Variants in CEP128 observed in about 807,000 individuals in gnomAD.
CEP128 encodes centrosomal protein 128kDa.
Under a neutral mutation model 156.7 loss-of-function variants are expected in CEP128, and 132 were observed. The observed-to-expected ratio is 0.84, with a 90% CI of 0.73 to 0.97. CEP128 has a LOEUF of 0.97. CEP128 is among the 50% of genes least tolerant of loss of function. CEP128 has a pLI of 0.00. For missense variants in CEP128, 1,252 were observed against 1,281.9 expected, an observed-to-expected ratio of 0.98 and a Z score of 0.36; for synonymous variants, 469 against 448.9, an observed-to-expected ratio of 1.04 and a Z score of -0.57.
chr14:80,540,197 A>ACCCCC (rs35857257), intron 21 of CEP128, among the ~76,000 whole-genome samples: 3 of 124,268 alleles, frequency 2.4e-5, no homozygotes, highest in East Asian at 2.6e-4. Flanking sequence ...CTGTTCTTAC[A>ACCCCC]CCCCCCCCCC....
chr14:80,729,352 T>C (rs1305507938), intron 19 of CEP128, among the ~76,000 whole-genome samples: 1 of 149,912 alleles, frequency 6.7e-6, no homozygotes, highest in Non-Finnish European at 1.5e-5. Context: ...TTCATTGCTT[T>C]TTATGGTTGA....
chr14:80,646,899 A>C (rs1010496908), intron 19 of CEP128, among the ~76,000 whole-genome samples: 6 of 150,720 alleles, frequency 4.0e-5, no homozygotes, highest in Non-Finnish European at 7.4e-5. Flanking sequence ...GAACATTCAG[A>C]TATATAAATC....
intron 2 of CEP128, chr14:80,955,569 C>T: frequency 7.4e-7 from 1 of 1,357,344 alleles, no homozygotes; most frequent in East Asian, 2.3e-5. Flanking sequence ...AGCCCTCCCT[C>T]TTCCCACCCC....
intron 2 of CEP128, among the ~76,000 whole-genome samples, chr14:80,951,427 T>C (rs12050350): frequency 0.19 from 28,583 of 152,038 alleles, 3,226 homozygotes; most frequent in Admixed American, 0.27. Flanking sequence ...CAAGTATAAA[T>C]TGGTATAATA....
At chr14:80,955,768 G>T in intron 2 of CEP128, 3 of 1,614,182 alleles carry the variant, frequency 1.9e-6, no homozygotes, top group Non-Finnish European at 2.5e-6. Flanking sequence ...TCCACCCTGC[G>T]AGTGCCATCA....
At chr14:80,530,127 G>A (rs2140274582) in intron 22 of CEP128, among the ~76,000 whole-genome samples, 1 of 152,304 alleles carries the variant, frequency 6.6e-6, no homozygotes, top group Admixed American at 6.5e-5. Flanking sequence ...GCTATACAAG[G>A]TCAATAAATT....
intron 17 of CEP128, among the ~76,000 whole-genome samples, chr14:80,758,292 C>A (rs1196215570): frequency 6.6e-6 from 1 of 152,180 alleles, no homozygotes; most frequent in African/African-American, 2.4e-5. Context: ...GAGGCCGAGG[C>A]TGGTGGATCA....
chr14:80,844,954 C>T (rs1886526324), intron 9 of CEP128, among the ~76,000 whole-genome samples: 1 of 152,030 alleles, frequency 6.6e-6, no homozygotes. Flanking sequence ...CCAATGAACC[C>T]AAACAAGGTC....
At chr14:80,485,362 A>G (rs1887139093) in intron 14 of CEP128, among the ~76,000 whole-genome samples, 1 of 113,782 alleles carries the variant, frequency 8.8e-6, no homozygotes, top group African/African-American at 2.7e-5. Context: ...AATATATACA[A>G]CTTTTAGATC....
intron 19 of CEP128, among the ~76,000 whole-genome samples, chr14:80,634,164 C>A (rs996273919): frequency 1.1e-4 from 17 of 152,160 alleles, no homozygotes; most frequent in Admixed American, 6.5e-5. Flanking sequence ...TTAGGCAAGT[C>A]ATGATTAATT....
At chr14:80,766,544 C>CT (rs1275829646) in intron 16 of CEP128, among the ~76,000 whole-genome samples, 1 of 152,124 alleles carries the variant, frequency 6.6e-6, no homozygotes, top group Non-Finnish European at 1.5e-5. Flanking sequence ...AAAATAGTAT[C>CT]TCTTTGGTAA....
chr14:80,686,705 A>G lies in CEP128; in HGVS notation c.2806+56370T>C, dbSNP rs552632329. Among the ~76,000 whole-genome samples the G allele has an allele frequency of 7.2e-5, 11 of 152,318 alleles. No homozygotes were observed. In the South Asian group the frequency reaches 2.3e-3, roughly 32 times the overall value. ...CCATCTCATATGCAAAGACACACCTATGCCCAAAATTTAAAAACAAAGGAA... is the reference window on the plus strand; with the variant it reads ...CCATCTCATATGCAAAGACACACCTGTGCCCAAAATTTAAAAACAAAGGAA... On this transcript the variant is annotated intron_variant, in intron 19 of 24. Transcript: ENST00000555265.
At position 80,485,369 on chromosome 14, in the gene CEP128, G is replaced by A. The variant is rs1342749352; in HGVS notation, c.*311-6962C>T. Among the ~76,000 whole-genome samples the A allele has an allele frequency of 4.4e-5, 5 of 112,444 alleles. No individual in the cohort carries two copies. The East Asian group carries it at 1.9e-3, about 43-fold the overall frequency. The allele number at this position is 112,444 out of a possible 152,430, so 73.8% of individuals were successfully genotyped here. On this transcript the variant is annotated intron_variant and NMD_transcript_variant, in intron 14 of 14. Coordinates refer to the CEP128 transcript ENST00000554502. ...ATTATCTCAATATATACAACTTTTA[G>A]ATCCTCTTCCTTTCCAAAAGTCCAA...
At chr14:80,636,467 T>C (rs1163824484) in intron 19 of CEP128, among the ~76,000 whole-genome samples, 2 of 152,220 alleles carry the variant, frequency 1.3e-5, no homozygotes, top group Non-Finnish European at 2.9e-5. Context: ...TTTTTTCTTC[T>C]ACTATTGTTG....
chr14:80,946,553 C>T (rs1886348776), upstream of CEP128, among the ~76,000 whole-genome samples: 1 of 152,008 alleles, frequency 6.6e-6, no homozygotes, highest in Non-Finnish European at 1.5e-5. Context: ...CCATACGAAA[C>T]ATTAAATACC....
At chr14:80,889,252 C>T (rs1006076861) in intron 8 of CEP128, among the ~76,000 whole-genome samples, 1 of 152,184 alleles carries the variant, frequency 6.6e-6, no homozygotes, top group South Asian at 2.1e-4. Context: ...CTACCATTGA[C>T]TTTCTTCACA....
intron 19 of CEP128, among the ~76,000 whole-genome samples, chr14:80,609,784 A>AT (rs543950124): frequency 6.6e-5 from 10 of 151,644 alleles, no homozygotes; most frequent in Non-Finnish European, 1.2e-4. Context: ...ACCTGAACTC[A>AT]TTTTTTTTGG....
At chr14:80,746,082 AAAAACTG>A (rs1899084657) in intron 18 of CEP128, among the ~76,000 whole-genome samples, 1 of 152,200 alleles carries the variant, frequency 6.6e-6, no homozygotes, top group Admixed American at 6.5e-5. Flanking sequence ...ATGCTTTTTA[AAAAACTG>A]AAGACTAAGT....
intron 11 of CEP128, among the ~76,000 whole-genome samples, chr14:80,836,555 G>A (rs1886087597): frequency 6.6e-6 from 1 of 151,616 alleles, no homozygotes; most frequent in Admixed American, 6.6e-5. Context: ...AATGGAATGT[G>A]ACTAGATTTT....
Sources: gnomAD v4.1 joint callset for allele counts (sites outside exome capture counted in the v4.1 genomes callset) on GRCh38, gnomAD v4.1.1 for gene constraint, MANE v1.5 for transcripts, NCBI Gene and HGNC (gene_info 2026-07-23, HGNC 2026-07-21) for gene names.